The following RNF216 variants were observed in gnomAD, a reference collection of about 807,000 sequenced individuals.
The protein encoded by RNF216 is E3 ubiquitin-protein ligase RNF216.
In RNF216, 72 loss-of-function variants were observed where a neutral mutation model predicts 110.8. The ratio of observed to expected loss-of-function variants is 0.65; its 90% CI spans 0.54 to 0.79. The LOEUF is 0.79. Among genes scored for constraint, RNF216 ranks in the 30% least tolerant of loss-of-function variants. The probability of loss-of-function intolerance (pLI) is 0.00; values close to 1 mark genes in which losing one functional copy is unlikely to be tolerated. For missense variants in RNF216, 1,342 were observed against 1,141.2 expected, an observed-to-expected ratio of 1.18 and a Z score of -2.54; for synonymous variants, 495 against 407.5, an observed-to-expected ratio of 1.21 and a Z score of -2.59.
chr7:5,763,505 C>T (rs998720043), intron 1 of RNF216, among the ~76,000 whole-genome samples: 1 of 152,092 alleles, frequency 6.6e-6, no homozygotes, highest in South Asian at 2.1e-4. Context: ...TGGCAGGCAC[C>T]TGTAATCCCA....
At chr7:5,697,193 G>A (rs1163656736) in intron 13 of RNF216, among the ~76,000 whole-genome samples, 2 of 149,296 alleles carry the variant, frequency 1.3e-5, no homozygotes, top group Admixed American at 6.6e-5. Flanking sequence ...CCCCATCTCC[G>A]CCAATAAGAC....
intron 15 of RNF216, among the ~76,000 whole-genome samples, chr7:5,634,936 G>C (rs937332220): frequency 6.6e-6 from 1 of 152,164 alleles, no homozygotes; most frequent in African/African-American, 2.4e-5. Context: ...ATTCATCCAT[G>C]GGGAAAGAGT....
intron 13 of RNF216, among the ~76,000 whole-genome samples, chr7:5,661,946 T>C (rs1383689390): frequency 6.6e-6 from 1 of 152,250 alleles, no homozygotes; most frequent in Non-Finnish European, 1.5e-5. Flanking sequence ...TGTGCCCACA[T>C]GGCGTTTGCT....
At chr7:5,675,367 T>C (rs561047312) in intron 13 of RNF216, among the ~76,000 whole-genome samples, 2 of 152,328 alleles carry the variant, frequency 1.3e-5, no homozygotes, top group African/African-American at 4.8e-5. Context: ...CATGGTGTAG[T>C]GGCTCATGCC....
intron 13 of RNF216, among the ~76,000 whole-genome samples, chr7:5,693,392 C>G (rs917048599): frequency 3.9e-4 from 60 of 152,170 alleles, no homozygotes; most frequent in African/African-American, 1.4e-3. Flanking sequence ...TGCTGACCCC[C>G]CGGTATGGAC....
Position 5,729,568 on chromosome 7 carries a change from G to T in RNF216, c.1253C>A (p.Ser418Tyr). 1 of 1,614,048 alleles carries T rather than the reference G, an allele frequency of 6.2e-7. No individual in the cohort carries two copies. The highest frequency in any genetic ancestry group is 8.5e-7 in the Non-Finnish European group (1 of 1,179,980). Residue 418 changes from serine to tyrosine, a missense_variant, in exon 7 of 17, where the codon TCT (serine) becomes TAT (tyrosine). Transcript: ENST00000389902. ...KLPKIDFFDYSKLTPLDQRCF... is the reference protein window; with the variant it reads ...KLPKIDFFDYYKLTPLDQRCF... ...GCGCTGGTCAAGAGGGGTCAATTTA[G>T]AATAGTCAAAAAAGTCTATTTTAGG... is the stretch of plus-strand genomic sequence containing the variant.
At position 5,768,105 on chromosome 7, in the gene RNF216, G is replaced by C. The variant is rs941280434; in HGVS notation, c.-69-6967C>G. Among the ~76,000 whole-genome samples the C allele has an allele frequency of 9.9e-5, 15 of 152,024 alleles. No homozygotes were observed. The East Asian group carries it at 2.7e-3, about 27-fold the overall frequency. On this transcript the variant is annotated intron_variant, in intron 1 of 16. Coordinates refer to ENST00000389902, the MANE Select transcript of RNF216 (RefSeq NM_207111.4). ...CTAAAAAACTTAAACCACAATGGAG[G>C]AGTATCATTTGGAACTTCCAGTTTT... is the stretch of plus-strand genomic sequence containing the variant.
intron 13 of RNF216, among the ~76,000 whole-genome samples, chr7:5,673,417 G>C (rs1790054556): frequency 1.3e-5 from 2 of 152,198 alleles, no homozygotes; most frequent in Non-Finnish European, 2.9e-5. Flanking sequence ...GACTGGCCTG[G>C]TTTGCGAGAA....
intron 1 of RNF216, chr7:5,780,294 T>C (rs1797009532): frequency 6.6e-6 from 1 of 152,180 alleles, no homozygotes; most frequent in South Asian, 2.1e-4. Flanking sequence ...CAGGTGCATG[T>C]GAGGGCCACT....
intron 13 of RNF216, among the ~76,000 whole-genome samples, chr7:5,656,594 G>A (rs1019117010): frequency 7.2e-5 from 11 of 152,134 alleles, no homozygotes; most frequent in African/African-American, 2.7e-4. Flanking sequence ...TGGGTAGTTT[G>A]TTAACAAGTA....
intron 2 of RNF216, among the ~76,000 whole-genome samples, chr7:5,756,387 C>A (rs975548596): frequency 6.6e-6 from 1 of 152,164 alleles, no homozygotes; most frequent in Non-Finnish European, 1.5e-5. Flanking sequence ...TGAATAGTTG[C>A]AACAGAAACC....
At position 5,781,653 on chromosome 7, in the gene RNF216, G is replaced by A. The variant is rs1430747734; in HGVS notation, c.-182C>T. The A allele has an allele frequency of 4.6e-5, 7 of 152,374 alleles. No homozygotes were observed. Among genetic ancestry groups the A allele is most frequent in the African/African-American group, 1.2e-4 (5 of 41,474 alleles). 9.4% of individuals were successfully genotyped at this position (152,374 alleles called of 1,614,324 possible). On this transcript the variant is annotated 5_prime_UTR_variant, in exon 1 of 17. Coordinates refer to ENST00000389902, the MANE Select transcript of RNF216 (RefSeq NM_207111.4). ...CCGTGGCAGCCGCTGCACTCCTTCC[G>A]GCCCTGCCGCGGCGTCACCTCGCGC...
At chr7:5,763,807 A>C in intron 1 of RNF216, among the ~76,000 whole-genome samples, 1 of 152,176 alleles carries the variant, frequency 6.6e-6, no homozygotes, top group Non-Finnish European at 1.5e-5. Context: ...TCCCGGTCTC[A>C]AGCATTCCTT....
chr7:5,630,036 A>G (rs985144917), intron 15 of RNF216, among the ~76,000 whole-genome samples: 1 of 152,096 alleles, frequency 6.6e-6, no homozygotes, highest in Admixed American at 6.6e-5. Flanking sequence ...GAAAAAGGCC[A>G]CGCTACAAAT....
chr7:5,741,672 G>A lies in RNF216; in HGVS notation c.345C>T (p.Asn115=), dbSNP rs144835147. The A allele has an allele frequency of 7.8e-4, 1,256 of 1,614,168 alleles. 4 individuals are homozygous for A. Among genetic ancestry groups the A allele is most frequent in the Admixed American group, 2.7e-3 (161 of 60,020 alleles). ...GTGCCCCAGAATCAAACAATGGGTT[G>A]TTACACACTGAAAAATAGCTGCTCT... is the stretch of plus-strand genomic sequence containing the variant. ...SDKSSYFSVC[N]NPLFDSGAQD... The change falls in exon 4 of 17, where the codon AAC becomes AAT. Residue 115 remains asparagine (N), a synonymous_variant. Transcript: ENST00000389902.
intron 14 of RNF216, among the ~76,000 whole-genome samples, chr7:5,642,217 G>GT (rs554389334): frequency 0.019 from 2,745 of 140,950 alleles, 45 homozygotes; most frequent in African/African-American, 0.052. Flanking sequence ...GTTCTGTTTT[G>GT]TTTTTTTTTT....
chr7:5,704,241 A>T (rs534169539), intron 13 of RNF216, among the ~76,000 whole-genome samples: 39 of 152,326 alleles, frequency 2.6e-4, no homozygotes, highest in Admixed American at 1.4e-3. Context: ...TTAATGCCGT[A>T]TTAATATAAA....
At chr7:5,691,228 A>G (rs941419239) in intron 13 of RNF216, among the ~76,000 whole-genome samples, 74 of 152,326 alleles carry the variant, frequency 4.9e-4, no homozygotes, top group African/African-American at 1.5e-3. Context: ...GGTGAAGGGG[A>G]GACAAGCCAC....
At chr7:5,715,591 T>A (rs1792997855) in intron 10 of RNF216, among the ~76,000 whole-genome samples, 1 of 78,530 alleles carries the variant, frequency 1.3e-5, no homozygotes, top group South Asian at 5.4e-4. Context: ...GTTCTTGTCA[T>A]AAGGAGTGTG....
Sources: gnomAD v4.1 joint callset for allele counts (sites outside exome capture counted in the v4.1 genomes callset) on GRCh38, gnomAD v4.1.1 for gene constraint, MANE v1.5 for transcripts, NCBI Gene and HGNC (gene_info 2026-07-23, HGNC 2026-07-21) for gene names.